Variants in CCT6B observed in about 807,000 individuals in gnomAD.
The protein encoded by CCT6B is probable T-complex protein 1 subunit zeta-2.
A neutral mutation model predicts 61.5 loss-of-function variants in CCT6B; 49 were observed. The ratio of observed to expected loss-of-function variants is 0.80; its 90% CI spans 0.63 to 1.01. The LOEUF is 1.01. Ranked by LOEUF, CCT6B falls within the 50% of genes least tolerant of loss-of-function variation. The pLI is 0.00. For missense variants in CCT6B, 666 were observed against 634.7 expected (o/e 1.05, Z -0.53); for synonymous variants, 228 against 214.5 (o/e 1.06, Z -0.55).
chr17:34,935,998 T>C (rs1292624258), intron 10 of CCT6B, among the ~76,000 whole-genome samples: 7 of 152,062 alleles, frequency 4.6e-5, no homozygotes, highest in Non-Finnish European at 1.0e-4. Context: ...TCGCCCAGGC[T>C]AAAGTCCAGT....
intron 10 of CCT6B, among the ~76,000 whole-genome samples, chr17:34,934,413 C>A (rs2090072133): frequency 6.6e-6 from 1 of 152,130 alleles, no homozygotes; most frequent in Non-Finnish European, 1.5e-5. Context: ...TCTTTTCCAA[C>A]TATTCAACTC....
intron 5 of CCT6B, among the ~76,000 whole-genome samples, chr17:34,947,964 A>G (rs1228073443): frequency 2.0e-5 from 3 of 150,312 alleles, no homozygotes; most frequent in African/African-American, 7.4e-5. Flanking sequence ...TGACAGAGTG[A>G]CACTCCGTCT....
chr17:34,932,370 G>A lies in CCT6B; in HGVS notation c.1344C>T (p.Pro448=). ...QAFADALLII[P]KVLAQNAGYD... ...TTGGCCGAAAGGGTAGTTGTACCTT[G>A]GGAATAATGAGTAAGGCATCAGCAA... Residue 448 remains proline, a synonymous_variant, in exon 11 of 14, where the codon CCC becomes CCT. Transcript: ENST00000314144. The A allele has an allele frequency of 1.2e-6, 2 of 1,606,236 alleles. No individual in the cohort carries two copies. The highest frequency in any genetic ancestry group is 1.7e-6 in the Non-Finnish European group (2 of 1,177,588).
intron 4 of CCT6B, among the ~76,000 whole-genome samples, chr17:34,953,343 T>TATA (rs1439709336): frequency 3.7e-5 from 5 of 134,510 alleles, no homozygotes; most frequent in African/African-American, 5.1e-5. Context: ...ATATATATAT[T>TATA]TTTTTGAGAC....
intron 5 of CCT6B, among the ~76,000 whole-genome samples, chr17:34,944,655 G>A (rs1407436878): frequency 6.6e-5 from 10 of 152,206 alleles, no homozygotes; most frequent in African/African-American, 1.2e-4. Flanking sequence ...AGCCAGGCGC[G>A]GCGGCTCACG....
chr17:34,937,483 T>C (rs2090107937), intron 10 of CCT6B, among the ~76,000 whole-genome samples: 2 of 152,164 alleles, frequency 1.3e-5, no homozygotes, highest in Admixed American at 6.5e-5. Flanking sequence ...TAAAGTCTTT[T>C]CAGCAAATAA....
Position 34,938,850 on chromosome 17 carries a change from A to G in CCT6B, c.1213+333T>C, listed in dbSNP as rs1414971422. On this transcript the variant is annotated intron_variant, in intron 10 of 13. Transcript: ENST00000314144. ...GTAATTTCAGCTCTTTGGGAGGCCA[A>G]CAAGGGCAGATCGCTTGAGCCCAGG... Among the ~76,000 whole-genome samples the G allele has an allele frequency of 2.0e-5, 3 of 152,310 alleles. No homozygotes were observed. The East Asian group carries it at 5.8e-4, about 29-fold the overall frequency.
At chr17:34,929,061 C>A in intron 12 of CCT6B, 27 bp from the exon 13 acceptor site, 1 of 1,418,374 alleles carries the variant, frequency 7.1e-7, no homozygotes, top group Non-Finnish European at 9.9e-7. Flanking sequence ...ATTTTCATAC[C>A]AAAATCTTAG....
chr17:34,929,264 C>T (rs1287571385), intron 12 of CCT6B, among the ~76,000 whole-genome samples: 3 of 152,082 alleles, frequency 2.0e-5, no homozygotes, highest in African/African-American at 7.2e-5. Context: ...ATACCACACT[C>T]TTCTGGTTTT....
intron 11 of CCT6B, among the ~76,000 whole-genome samples, 179 bp downstream of exon 11, chr17:34,932,188 C>T (rs540283272): frequency 6.6e-5 from 10 of 152,244 alleles, no homozygotes; most frequent in African/African-American, 2.4e-4. Context: ...GTGCAAGGAT[C>T]CTGGGCTGTT....
chr17:34,933,187 T>C (rs976527082), intron 10 of CCT6B, among the ~76,000 whole-genome samples: 1 of 152,236 alleles, frequency 6.6e-6, no homozygotes, highest in Admixed American at 6.5e-5. Context: ...TAGTTTTTGA[T>C]AGGGAATTCT....
chr17:34,955,740 C>T (rs2090341129), intron 3 of CCT6B, among the ~76,000 whole-genome samples: 1 of 152,118 alleles, frequency 6.6e-6, no homozygotes, highest in African/African-American at 2.4e-5. Flanking sequence ...AGTATTTGTG[C>T]TGGACATGAC....
At chr17:34,944,744 G>A (rs2090204751) in intron 5 of CCT6B, among the ~76,000 whole-genome samples, 1 of 152,184 alleles carries the variant, frequency 6.6e-6, no homozygotes, top group Admixed American at 6.5e-5. Flanking sequence ...GGCTAACACG[G>A]TGAAACCCCA....
intron 7 of CCT6B, among the ~76,000 whole-genome samples, chr17:34,940,951 A>G (rs1417971334): frequency 6.6e-6 from 1 of 152,164 alleles, no homozygotes; most frequent in Non-Finnish European, 1.5e-5. Context: ...GTTTATCTTC[A>G]TAGAAAACAA....
Position 34,961,381 on chromosome 17 carries a change from T to A in CCT6B, c.13A>T (p.Lys5Ter). 1.2e-6 allele frequency: 2 copies of A among 1,609,692 alleles called. No homozygotes were observed. The highest frequency in any genetic ancestry group is 8.5e-7 in the Non-Finnish European group (1 of 1,179,218). The change falls in exon 1 of 14, where the codon AAG (lysine) becomes TAG (stop). Residue 5 changes from lysine to a stop codon, truncating the protein, a stop_gained. Coordinates refer to ENST00000314144, the MANE Select transcript of CCT6B (RefSeq NM_006584.4). LOFTEE classifies it high-confidence loss of function. MAAI[K>*]AVNSKAEVAR... ...ACCTCAGCCTTGGAGTTGACGGCCTTTATCGCAGCCATAGCCTAACCGTTC... is the reference window on the plus strand; with the variant it reads ...ACCTCAGCCTTGGAGTTGACGGCCTATATCGCAGCCATAGCCTAACCGTTC...
chr17:34,939,772 CAG>C, intron 8 of CCT6B, 59 bp from the exon 9 acceptor site: 1 of 1,052,056 alleles, frequency 9.5e-7, no homozygotes, highest in Admixed American at 1.7e-5. Flanking sequence ...ACTAATTTCT[CAG>C]AGAGAAGATA....
rs558768678 is a variant in CCT6B at position 34,939,600 on chromosome 17, T to G, written c.1065+17A>C. On this transcript the variant is annotated intron_variant, in intron 9 of 13. Transcript: ENST00000314144. ...CTTAGTATTCACTTTATAACCACTG[T>G]TCATAGAAATACTCACTAATGTATA... is the stretch of plus-strand genomic sequence containing the variant. 6.8e-7 allele frequency: 1 copy of G among 1,467,900 alleles called. No individual in the cohort carries two copies. The highest frequency in any genetic ancestry group is 9.5e-7 in the Non-Finnish European group (1 of 1,047,218). 90.9% of individuals were successfully genotyped at this position (1,467,900 alleles called of 1,614,324 possible).
At chr17:34,933,185 G>C (rs2090055783) in intron 10 of CCT6B, among the ~76,000 whole-genome samples, 1 of 152,144 alleles carries the variant, frequency 6.6e-6, no homozygotes, top group Non-Finnish European at 1.5e-5. Context: ...TCTAGTTTTT[G>C]ATAGGGAATT....
intron 5 of CCT6B, chr17:34,944,205 GTTTC>G (rs1211005914): frequency 2.0e-5 from 3 of 152,072 alleles, no homozygotes; most frequent in African/African-American, 7.2e-5. Flanking sequence ...AAATGACATT[GTTTC>G]TTTGAGAAAA....
Sources: gnomAD v4.1 joint callset for allele counts (sites outside exome capture counted in the v4.1 genomes callset) on GRCh38, gnomAD v4.1.1 for gene constraint, MANE v1.5 for transcripts, NCBI Gene and HGNC (gene_info 2026-07-23, HGNC 2026-07-21) for gene names.